The following HNRNPH3 variants were observed in gnomAD, a reference collection of about 807,000 sequenced individuals.
The protein encoded by HNRNPH3 is heterogeneous nuclear ribonucleoprotein H3, also known as heterogeneous nuclear ribonucleoprotein 2H9.
In HNRNPH3, 7 loss-of-function variants were observed where a neutral mutation model predicts 47.0. That is an observed-to-expected ratio of 0.15 (90% CI 0.08 to 0.28). The LOEUF is 0.28. Among genes scored for constraint, HNRNPH3 ranks in the 10% least tolerant of loss-of-function variants. The probability of loss-of-function intolerance (pLI) is 1.00; values close to 1 mark genes in which losing one functional copy is unlikely to be tolerated. For missense variants in HNRNPH3, 279 were observed against 449.6 expected (o/e 0.62, Z 3.43); for synonymous variants, 120 against 143.2 (o/e 0.84, Z 1.16).
Position 68,341,795 on chromosome 10 carries a change from G to T in HNRNPH3, c.908G>T (p.Gly303Val). Residue 303 changes from glycine (G) to valine (V), a missense_variant, in exon 9 of 10, where the codon GGA (glycine) becomes GTA (valine). This residue lies in a region of HNRNPH3 where 239 missense variants were observed against 335.8 expected (regional missense o/e 0.71). Coordinates refer to ENST00000265866, the MANE Select transcript of HNRNPH3 (RefSeq NM_012207.3). Reference sequence around the variant, plus strand: ...GGCTATGGATCAGTTGGAAGAATGGGAATGGGGAACAATTACAGTGGAGGA... The same window carrying T: ...GGCTATGGATCAGTTGGAAGAATGGTAATGGGGAACAATTACAGTGGAGGA... ...QGGYGSVGRMGMGNNYSGGYG... is the reference protein window; with the variant it reads ...QGGYGSVGRMVMGNNYSGGYG... 1 of 1,610,270 alleles carries T rather than the reference G, an allele frequency of 6.2e-7. No individual in the cohort carries two copies. The highest frequency in any genetic ancestry group is 8.5e-7 in the Non-Finnish European group (1 of 1,178,610).
chr10:68,342,917 CTT>C lies in HNRNPH3; in HGVS notation c.*865_*866del, dbSNP rs1035462818. ...GTTTAAATAACTGTATAAATGATGA[CTT>C]TAAAAAAATGTAAGCAACAAGTCCA... On this transcript the variant is annotated 3_prime_UTR_variant, in exon 10 of 10. Coordinates refer to ENST00000265866, the MANE Select transcript of HNRNPH3 (RefSeq NM_012207.3). 5 of 152,090 alleles carry C rather than the reference CTT, an allele frequency of 3.3e-5. No homozygotes were observed. The highest frequency in any genetic ancestry group is 7.4e-5 in the Non-Finnish European group (5 of 67,984). The allele number at this position is 152,090 out of a possible 1,614,324, so 9.4% of individuals were successfully genotyped here.
Position 68,341,993 on chromosome 10 carries a change from G to T in HNRNPH3, c.980G>T (p.Gly327Val). Residue 327 changes from glycine (G) to valine (V), a missense_variant, in exon 10 of 10, where the codon GGC (glycine) becomes GTC (valine). By Grantham distance (109) the Gly-to-Val change is moderately radical. This residue lies in a region of HNRNPH3 where 239 missense variants were observed against 335.8 expected (regional missense o/e 0.71). Transcript: ENST00000265866. ...TTTTCTTAAGGCCGTGGTGGTGGAG[G>T]CAGTGGAGGTTACTATGGGCAAGGC... ...GLGGYGRGGGGSGGYYGQGGM... is the reference protein window; with the variant it reads ...GLGGYGRGGGVSGGYYGQGGM... 6.2e-7 allele frequency: 1 copy of T among 1,614,072 alleles called. No individual in the cohort carries two copies. Among genetic ancestry groups the T allele is most frequent in the Non-Finnish European group, 8.5e-7 (1 of 1,179,970 alleles).
chr10:68,338,760 GA>G, intron 4 of HNRNPH3, 73 bp downstream of exon 4: 1 of 1,242,934 alleles, frequency 8.0e-7, no homozygotes, highest in South Asian at 1.7e-5. Context: ...AAGAAATACA[GA>G]AATGGCAGTA....
rs1183693699 is a variant in HNRNPH3 at position 68,337,433 on chromosome 10, T to C, written c.112+100T>C. 8.4e-6 allele frequency: 6 copies of C among 712,418 alleles called. No individual in the cohort carries two copies. In the East Asian group the frequency reaches 1.6e-4, roughly 19 times the overall value. The allele number at this position is 712,418 out of a possible 1,614,324, so 44.1% of individuals were successfully genotyped here. ...AAAACCCATTTGATTTTGGAACTTT[T>C]AAGTTTAACTATGATAGTCTTGGTT... On this transcript the variant is annotated intron_variant, in intron 2 of 9. Coordinates refer to ENST00000265866, the MANE Select transcript of HNRNPH3 (RefSeq NM_012207.3). The surrounding 1 kb of genome is among the most constrained non-coding windows in gnomAD (Gnocchi z 4.5).
At chr10:68,334,987 G>T (rs1351854330) in intron 1 of HNRNPH3, among the ~76,000 whole-genome samples, 1 of 152,072 alleles carries the variant, frequency 6.6e-6, no homozygotes, top group Non-Finnish European at 1.5e-5. Context: ...TGTTTTTATT[G>T]TATGTGCTTT....
Position 68,339,217 on chromosome 10 carries a change from G to A in HNRNPH3, c.514G>A (p.Asp172Asn). 2 of 1,590,038 alleles carry A rather than the reference G, an allele frequency of 1.3e-6. No homozygotes were observed. Among genetic ancestry groups the A allele is most frequent in the Non-Finnish European group, 1.7e-6 (2 of 1,158,698 alleles). Residue 172 changes from aspartate to asparagine, a missense_variant, in exon 5 of 10, where the codon GAT becomes AAT. Asp to Asn is a conservative substitution (Grantham distance 23). This residue lies in a region of HNRNPH3 where 239 missense variants were observed against 335.8 expected (regional missense o/e 0.71). Transcript: ENST00000265866. The stretch of plus-strand genomic sequence containing the variant: ...TGATGGCTTTGATGACAGAATGAGA[G>A]ATGGAAGAGGTAAAATAAATATTAA... ...GNDGFDDRMR[D>N]GRGMGGHGYG...
intron 4 of HNRNPH3, 49 bp downstream of exon 4, chr10:68,338,736 C>A: frequency 7.1e-7 from 1 of 1,400,960 alleles, no homozygotes; most frequent in Non-Finnish European, 9.6e-7. Flanking sequence ...TCTTAATGTT[C>A]CTGACACTTT....
intron 5 of HNRNPH3, 91 bp from the exon 6 acceptor site, chr10:68,339,349 A>T: frequency 5.9e-6 from 9 of 1,522,352 alleles, no homozygotes; most frequent in Non-Finnish European, 8.1e-6. Flanking sequence ...GTGCATTCCT[A>T]TATAGAGCTT....
intron 7 of HNRNPH3, 28 bp from the exon 8 acceptor site, chr10:68,341,557 C>G: frequency 7.0e-7 from 1 of 1,429,838 alleles, no homozygotes; most frequent in Non-Finnish European, 9.8e-7. Flanking sequence ...TCCTTTCTCC[C>G]CTGTTACTCT....
chr10:68,333,502 A>G (rs1421991388), intron 1 of HNRNPH3, among the ~76,000 whole-genome samples: 2 of 152,286 alleles, frequency 1.3e-5, no homozygotes, highest in South Asian at 2.1e-4. Flanking sequence ...AATACTTCAA[A>G]ATACGGTTAT....
chr10:68,338,155 G>A (rs577707988), intron 3 of HNRNPH3, 159 bp downstream of exon 3: 2 of 528,324 alleles, frequency 3.8e-6, no homozygotes, highest in Non-Finnish European at 6.7e-6. Context: ...TTTGGGTGGG[G>A]AATTAATGCT....
chr10:68,338,321 C>T (rs562208492), intron 3 of HNRNPH3, 182 bp from the exon 4 acceptor site: 2 of 459,782 alleles, frequency 4.3e-6, no homozygotes, highest in South Asian at 4.6e-5. Flanking sequence ...TGACTAATTT[C>T]TTTGTAAAAC....
rs868506365 is a variant in HNRNPH3 at position 68,341,970 on chromosome 10, T to C, written c.965-8T>C. The C allele has an allele frequency of 1.9e-6, 3 of 1,613,716 alleles. No homozygotes were observed. The highest frequency in any genetic ancestry group is 1.7e-4 in the Middle Eastern group (1 of 6,056). On this transcript the variant is annotated splice_region_variant and splice_polypyrimidine_tract_variant and intron_variant, in intron 9 of 9. Transcript: ENST00000265866. Reference sequence around the variant, plus strand: ...CTGCTGAGTGATTCTTAATATCTTTTTCTTAAGGCCGTGGTGGTGGAGGCA... The same window carrying C: ...CTGCTGAGTGATTCTTAATATCTTTCTCTTAAGGCCGTGGTGGTGGAGGCA...
intron 6 of HNRNPH3, among the ~76,000 whole-genome samples, chr10:68,340,049 T>C (rs1335181742): frequency 6.6e-6 from 1 of 152,016 alleles, no homozygotes; most frequent in African/African-American, 2.4e-5. Context: ...TTGTTTTCTT[T>C]TTTGAGACAG....
rs562428792 is a variant in HNRNPH3 at position 68,332,089 on chromosome 10, A to G, written c.-151A>G. 5.9e-5 allele frequency: 9 copies of G among 152,322 alleles called. No individual in the cohort carries two copies. Among genetic ancestry groups the G allele is most frequent in the East Asian group, 1.9e-4 (1 of 5,154 alleles). 9.4% of individuals were successfully genotyped at this position (152,322 alleles called of 1,614,324 possible). A position where few individuals can be genotyped will look rare whatever the true frequency, so the allele number is the denominator to read the frequency against. ...AGTAGCTGTGCTGCGCAGCTCCCTA[A>G]GCGGTTGTCACCGCTGGAGACGGTT... On this transcript the variant is annotated 5_prime_UTR_variant, in exon 1 of 10. Coordinates refer to ENST00000265866, the MANE Select transcript of HNRNPH3 (RefSeq NM_012207.3).
In HNRNPH3 at chr10:68,337,745, T is replaced by TTTTTTG. The variant is rs2045615774; in HGVS notation, c.113-109_113-108insTGTTTT. Reference sequence around the variant, plus strand: ...TTATGGGGTGATGGGAAACTAAGCTTTTTTGTTTTGTTTTGTTTTGTTTAG... The same window carrying TTTTTTG: ...TTATGGGGTGATGGGAAACTAAGCTTTTTTTGTTTTGTTTTGTTTTGTTTTGTTTAG... On this transcript the variant is annotated intron_variant, in intron 2 of 9. Transcript: ENST00000265866. This position sits in a 1 kb window ranked among gnomAD's most constrained non-coding sequence, Gnocchi z 4.5. The TTTTTTG allele has an allele frequency of 2.6e-6, 2 of 782,880 alleles. No individual in the cohort carries two copies. The highest frequency in any genetic ancestry group is 2.6e-5 in the East Asian group (1 of 38,212). The allele number at this position is 782,880 out of a possible 1,614,324, so 48.5% of individuals were successfully genotyped here.
In HNRNPH3 at chr10:68,342,026, G is replaced by A. The variant is rs2045998191; in HGVS notation, c.1013G>A (p.Ser338Asn). The A allele has an allele frequency of 6.2e-7, 1 of 1,613,972 alleles. No homozygotes were observed. Among genetic ancestry groups the A allele is most frequent in the Non-Finnish European group, 8.5e-7 (1 of 1,180,018 alleles). Residue 338 changes from serine to asparagine, a missense_variant, in exon 10 of 10, where the codon AGT becomes AAT. Around this residue, in one of 2 missense-constraint regions of HNRNPH3, gnomAD observed 239 missense variants for 335.8 expected, o/e 0.71. Transcript: ENST00000265866. The stretch of plus-strand genomic sequence containing the variant: ...GGTTACTATGGGCAAGGCGGCATGA[G>A]TGGAGGTGGATGGCGTGGGATGTAC... ...SGGYYGQGGM[S>N]GGGWRGMY
intron 1 of HNRNPH3, among the ~76,000 whole-genome samples, chr10:68,336,243 TGA>T (rs1340271273): frequency 6.6e-6 from 1 of 152,036 alleles, no homozygotes; most frequent in Admixed American, 6.6e-5. Context: ...AGCTGCATAG[TGA>T]GATTTGTAAG....
intron 6 of HNRNPH3, among the ~76,000 whole-genome samples, chr10:68,340,801 T>C (rs1470809501): frequency 1.8e-5 from 2 of 112,800 alleles, no homozygotes; most frequent in African/African-American, 6.9e-5. Context: ...TCTCTGTGTG[T>C]TTGTGTGCTT....
Sources: gnomAD v4.1 joint callset for allele counts (sites outside exome capture counted in the v4.1 genomes callset) on GRCh38, gnomAD v4.1.1 for gene constraint, gnomAD v4.1.1 regional missense constraint, Gnocchi (gnomAD v3.1) non-coding constraint, MANE v1.5 for transcripts, NCBI Gene and HGNC (gene_info 2026-07-23, HGNC 2026-07-21) for gene names.